ZNF431: variants seen among roughly 807,000 people sequenced by gnomAD.
ZNF431 encodes zinc finger protein 431.
ZNF431 carries 34 observed loss-of-function variants against 57.0 expected under a neutral mutation model. The ratio of observed to expected loss-of-function variants is 0.60; its 90% CI spans 0.45 to 0.79. The LOEUF (loss-of-function observed/expected upper bound fraction) is 0.79, where lower values mean the gene tolerates loss of function less well. Among genes scored for constraint, ZNF431 ranks in the 30% least tolerant of loss-of-function variants. The pLI, the probability that ZNF431 is intolerant of heterozygous loss-of-function variation, is 0.00. For synonymous variants in ZNF431, 207 were observed against 220.3 expected (o/e 0.94, Z 0.54); for missense variants, 607 against 667.1 (o/e 0.91, Z 0.99).
intron 2 of ZNF431, among the ~76,000 whole-genome samples, chr19:21,152,781 T>C (rs754269648): frequency 3.3e-5 from 5 of 152,150 alleles, no homozygotes; most frequent in African/African-American, 4.8e-5. Flanking sequence ...AGTCAGCCGA[T>C]TGGTGCACAC....
chr19:21,167,026 A>C lies in ZNF431; in HGVS notation c.224-545A>C, dbSNP rs531653076. Among the ~76,000 whole-genome samples the C allele has an allele frequency of 7.5e-4, 114 of 152,108 alleles. 2 individuals carry two copies. The South Asian group carries it at 0.018, about 24-fold the overall frequency. ...CAGGTGCACACCTCCACACCCAGCA[A>C]ATTTTTGTATTAGTAGATACAGTGT... is the stretch of plus-strand genomic sequence containing the variant. On this transcript the variant is annotated intron_variant, in intron 3 of 4. Coordinates refer to ENST00000311048, the MANE Select transcript of ZNF431 (RefSeq NM_133473.4).
chr19:21,158,029 G>A (rs1178019083), intron 2 of ZNF431, among the ~76,000 whole-genome samples: 1 of 151,904 alleles, frequency 6.6e-6, no homozygotes. Context: ...GGCTCATTTT[G>A]GTTCCATATA....
At chr19:21,177,152 T>C (rs556149870) in intron 4 of ZNF431, among the ~76,000 whole-genome samples, 45 of 152,238 alleles carry the variant, frequency 3.0e-4, no homozygotes, top group Non-Finnish European at 6.2e-4. Context: ...TCAGGGGTTC[T>C]TGTAGTTTTG....
chr19:21,169,965 T>A (rs944269686), intron 4 of ZNF431: 1 of 397,486 alleles, frequency 2.5e-6, no homozygotes, highest in African/African-American at 2.1e-5. Context: ...AGACTGTAAC[T>A]GGGAGGAGTT....
At position 21,189,837 on chromosome 19, in the gene ZNF431, G is replaced by T. The variant is rs879939228; in HGVS notation, c.*5803G>T. Reference sequence around the variant, plus strand: ...CCTCCAACTTCATCCATGTGATTGAGAATAATAGTTTTTGTTTTTTTTTTA... The same window carrying T: ...CCTCCAACTTCATCCATGTGATTGATAATAATAGTTTTTGTTTTTTTTTTA... On this transcript the variant is annotated 3_prime_UTR_variant, in exon 5 of 5. Transcript: ENST00000311048. 2 of 397,352 alleles carry T rather than the reference G, an allele frequency of 5.0e-6. No homozygotes were observed. Among genetic ancestry groups the T allele is most frequent in the African/African-American group, 2.1e-5 (1 of 48,542 alleles). 24.6% of individuals were successfully genotyped at this position (397,352 alleles called of 1,614,324 possible).
intron 1 of ZNF431, among the ~76,000 whole-genome samples, chr19:21,142,975 T>C (rs749247187): frequency 6.6e-6 from 1 of 152,086 alleles, no homozygotes; most frequent in Non-Finnish European, 1.5e-5. Flanking sequence ...TCACAGTCCA[T>C]GGGGAGCTGA....
chr19:21,178,090 G>T (rs1400116462), intron 4 of ZNF431, among the ~76,000 whole-genome samples: 1 of 152,054 alleles, frequency 6.6e-6, no homozygotes, highest in Non-Finnish European at 1.5e-5. Context: ...AATTGTGAAT[G>T]GGAGTTTATT....
At chr19:21,166,667 T>C (rs1180145332) in intron 3 of ZNF431, among the ~76,000 whole-genome samples, 1 of 152,180 alleles carries the variant, frequency 6.6e-6, no homozygotes, top group East Asian at 1.9e-4. Flanking sequence ...CCTGAGCTGA[T>C]GTGTATCCTT....
In ZNF431 at chr19:21,189,851, GT is replaced by G. The variant is rs746604408; in HGVS notation, c.*5827del. The G allele has an allele frequency of 1.2e-4, 41 of 342,420 alleles. No homozygotes were observed. The highest frequency in any genetic ancestry group is 1.5e-4 in the Non-Finnish European group (29 of 192,200). The allele number at this position is 342,420 out of a possible 1,614,324, so 21.2% of individuals were successfully genotyped here. A position where few individuals can be genotyped will look rare whatever the true frequency, so the allele number is the denominator to read the frequency against. ...CATGTGATTGAGAATAATAGTTTTTGTTTTTTTTTTAAGGCCAGGAGTGGTG... is the reference window on the plus strand; with the variant it reads ...CATGTGATTGAGAATAATAGTTTTTGTTTTTTTTTAAGGCCAGGAGTGGTG... On this transcript the variant is annotated 3_prime_UTR_variant, in exon 5 of 5. Transcript: ENST00000311048.
chr19:21,157,963 G>A (rs950059416), intron 2 of ZNF431, among the ~76,000 whole-genome samples: 1 of 151,858 alleles, frequency 6.6e-6, no homozygotes, highest in South Asian at 2.1e-4. Context: ...TTTGAAGTGG[G>A]GTAATGTAAT....
intron 4 of ZNF431, among the ~76,000 whole-genome samples, chr19:21,174,828 A>G (rs1035147483): frequency 5.9e-5 from 9 of 152,064 alleles, no homozygotes; most frequent in African/African-American, 9.6e-5. Flanking sequence ...CTGGAGAGCA[A>G]TGGCATCGAT....
At chr19:21,154,949 A>C (rs952898493) in intron 2 of ZNF431, among the ~76,000 whole-genome samples, 1 of 151,782 alleles carries the variant, frequency 6.6e-6, no homozygotes, top group Non-Finnish European at 1.5e-5. Flanking sequence ...GATTGCAAAA[A>C]TTTTCTCCCA....
At chr19:21,176,761 G>A (rs1480666164) in intron 4 of ZNF431, among the ~76,000 whole-genome samples, 2 of 151,770 alleles carry the variant, frequency 1.3e-5, no homozygotes, top group African/African-American at 4.8e-5. Context: ...GCAGTGGCAC[G>A]GTCTTGGCTC....
chr19:21,180,455 G>A (rs1490497321), intron 4 of ZNF431, among the ~76,000 whole-genome samples: 1 of 152,022 alleles, frequency 6.6e-6, no homozygotes, highest in East Asian at 1.9e-4. Context: ...TTGTTATTTT[G>A]TTAATTGTTG....
At chr19:21,161,620 G>A (rs1970566304) in intron 2 of ZNF431, among the ~76,000 whole-genome samples, 1 of 152,054 alleles carries the variant, frequency 6.6e-6, no homozygotes, top group African/African-American at 2.4e-5. Context: ...TCTACAGAGG[G>A]TCCAGTGCCT....
intron 2 of ZNF431, among the ~76,000 whole-genome samples, chr19:21,155,526 A>G (rs1970394973): frequency 6.6e-6 from 1 of 152,122 alleles, no homozygotes; most frequent in Admixed American, 6.5e-5. Context: ...TTCCATATGA[A>G]CTTTAAAGTA....
rs1971551423 is a variant in ZNF431 at position 21,193,726 on chromosome 19, G to A, written c.*9692G>A. On this transcript the variant is annotated 3_prime_UTR_variant, in exon 5 of 5. Transcript: ENST00000311048. ...TGTGAACTTTATATCACATGTGCAA[G>A]GATGTTTCATCATATACAAGTCAAT... The A allele has an allele frequency of 6.6e-6, 1 of 152,114 alleles. No individual in the cohort carries two copies. Among genetic ancestry groups the A allele is most frequent in the South Asian group, 2.1e-4 (1 of 4,828 alleles). 9.4% of individuals were successfully genotyped at this position (152,114 alleles called of 1,614,324 possible).
rs2145075111 is a variant in ZNF431, at chr19:21,189,695, G to C, written c.*5661G>C. The stretch of plus-strand genomic sequence containing the variant: ...CATTTCTTATAAATAACTTGCATCT[G>C]ATGGTCACCATTTTACTCTCTACAT... On this transcript the variant is annotated 3_prime_UTR_variant, in exon 5 of 5. Transcript: ENST00000311048. 2 of 387,846 alleles carry C rather than the reference G, an allele frequency of 5.2e-6. No individual in the cohort carries two copies. Among genetic ancestry groups the C allele is most frequent in the East Asian group, 3.7e-5 (1 of 27,332 alleles). 24.0% of individuals were successfully genotyped at this position (387,846 alleles called of 1,614,324 possible). A position where few individuals can be genotyped will look rare whatever the true frequency, so the allele number is the denominator to read the frequency against.
intron 2 of ZNF431, among the ~76,000 whole-genome samples, chr19:21,145,339 A>G (rs1227544036): frequency 6.6e-6 from 1 of 152,112 alleles, no homozygotes; most frequent in Non-Finnish European, 1.5e-5. Flanking sequence ...AGCCAGGCGT[A>G]GTGGTGGGCG....
Sources: gnomAD v4.1 joint callset for allele counts (sites outside exome capture counted in the v4.1 genomes callset) on GRCh38, gnomAD v4.1.1 for gene constraint, MANE v1.5 for transcripts, NCBI Gene and HGNC (gene_info 2026-07-23, HGNC 2026-07-21) for gene names.